Variants in ZAP70 observed in about 807,000 individuals in gnomAD.
ZAP70 encodes the protein zeta chain of T cell receptor associated protein kinase 70.
In ZAP70, 27 loss-of-function variants were observed where a neutral mutation model predicts 65.8. The observed-to-expected ratio is 0.41, with a 90% CI of 0.30 to 0.57. ZAP70 has a LOEUF of 0.57. Ranked by LOEUF, ZAP70 falls within the 20% of genes least tolerant of loss-of-function variation. ZAP70 has a pLI of 0.28. For synonymous variants in ZAP70, 363 were observed against 360.8 expected (o/e 1.01, Z -0.07); for missense variants, 696 against 870.5 (o/e 0.80, Z 2.52).
At position 97,735,421 on chromosome 2, in the gene ZAP70, G is replaced by C. The variant is rs1311128904; in HGVS notation, c.1254G>C (p.Gly418=). Reference sequence around the variant, plus strand: ...TCATGCTGGTCATGGAGATGGCTGGGGGCGGGCCGCTGCACAAGTTCCTGG... The same window carrying C: ...TCATGCTGGTCATGGAGATGGCTGGCGGCGGGCCGCTGCACAAGTTCCTGG... ...EALMLVMEMA[G]GGPLHKFLVG... Residue 418 remains glycine (G), a synonymous_variant, in exon 10 of 14, where the codon GGG becomes GGC. Coordinates refer to ENST00000264972, the MANE Select transcript of ZAP70 (RefSeq NM_001079.4). 1.2e-6 allele frequency: 2 copies of C among 1,613,580 alleles called. No homozygotes were observed. Among genetic ancestry groups the C allele is most frequent in the Middle Eastern group, 1.7e-4 (1 of 6,060 alleles).
intron 13 of ZAP70, 63 bp from the exon 14 acceptor site, chr2:97,739,312 C>T: frequency 6.2e-7 from 1 of 1,605,026 alleles, no homozygotes; most frequent in Non-Finnish European, 8.5e-7. Flanking sequence ...GCATGCCCAC[C>T]CACTGGTGAA....
At chr2:97,745,697 A>C in the ZAP70 span, among the ~76,000 whole-genome samples, 1 of 152,136 alleles carries the variant, frequency 6.6e-6, no homozygotes, top group Non-Finnish European at 1.5e-5. Flanking sequence ...TGGAACCCTC[A>C]CACACTGTGG....
At chr2:97,738,484 G>A in intron 13 of ZAP70, 1 of 322,420 alleles carries the variant, frequency 3.1e-6, no homozygotes. Context: ...CCACCAGCCA[G>A]CACACAGCAC....
Position 97,736,321 on chromosome 2 carries a change from C to T in ZAP70, c.1289+865C>T, listed in dbSNP as rs1332851738. ...TTCCTCATCCCCAAACTCTTACCCT[C>T]ACAGACACAAGTTCTGCACTCCCCA... On this transcript the variant is annotated intron_variant, in intron 10 of 13. Transcript: ENST00000264972. The surrounding 1 kb of genome is among the most constrained non-coding windows in gnomAD (Gnocchi z 4.0). 1.3e-5 allele frequency among the ~76,000 whole-genome samples: 2 copies of T among 152,194 alleles called. No individual in the cohort carries two copies. Among genetic ancestry groups the T allele is most frequent in the Non-Finnish European group, 2.9e-5 (2 of 68,030 alleles).
downstream of ZAP70, among the ~76,000 whole-genome samples, chr2:97,744,811 A>G (rs1488112398): frequency 6.6e-6 from 1 of 152,152 alleles, no homozygotes; most frequent in Non-Finnish European, 1.5e-5. Context: ...AAAAAGTCAG[A>G]CCTCTATCTC....
chr2:97,728,903 C>T (rs1261955572), intron 4 of ZAP70, among the ~76,000 whole-genome samples: 7 of 152,222 alleles, frequency 4.6e-5, no homozygotes, highest in Admixed American at 1.3e-4. Context: ...TAGGCGTGCA[C>T]CACCACGCTT....
At position 97,713,815 on chromosome 2, in the gene ZAP70, TGTGTGCGG is replaced by T. The variant is rs72318626; in HGVS notation, c.-100-100_-100-93del. On this transcript the variant is annotated intron_variant, in intron 1 of 13. Coordinates refer to ENST00000264972, the MANE Select transcript of ZAP70 (RefSeq NM_001079.4). Reference sequence around the variant, plus strand: ...CGGGGTGTGACATCCTCCCCCGGGGTGTGTGCGGAGAGTGTGAGCGGCAGGGCCTCCCT... The same window carrying T: ...CGGGGTGTGACATCCTCCCCCGGGGTAGAGTGTGAGCGGCAGGGCCTCCCT... 0.027 allele frequency: 4,119 copies of T among 152,106 alleles called. 93 individuals carry two copies. Among genetic ancestry groups the T allele is most frequent in the South Asian group, 0.11 (531 of 4,808 alleles). The allele number at this position is 152,106 out of a possible 1,614,324, so 9.4% of individuals were successfully genotyped here.
rs150631046 is a variant in ZAP70 at position 97,737,761 on chromosome 2, G to A, written c.1487G>A (p.Arg496His). ...LGADDSYYTA[R>H]SAGKWPLKWY... ...GCAGCATCTCCCCCTCCCCAGGCCCGCTCAGCAGGGAAGTGGCCGCTCAAG... is the reference window on the plus strand; with the variant it reads ...GCAGCATCTCCCCCTCCCCAGGCCCACTCAGCAGGGAAGTGGCCGCTCAAG... The change falls in exon 12 of 14, where the codon CGC becomes CAC. Residue 496 changes from arginine to histidine, a missense_variant. Around this residue, in one of 3 missense-constraint regions of ZAP70, gnomAD observed 67 missense variants for 151.9 expected, o/e 0.44. Transcript: ENST00000264972. The surrounding 1 kb of genome is among the most constrained non-coding windows in gnomAD (Gnocchi z 5.0). The A allele has an allele frequency of 6.2e-6, 10 of 1,613,976 alleles. No homozygotes were observed. Among genetic ancestry groups the A allele is most frequent in the African/African-American group, 2.7e-5 (2 of 74,914 alleles).
the ZAP70 span, among the ~76,000 whole-genome samples, chr2:97,755,957 T>TGCCCA: frequency 1.3e-5 from 2 of 152,238 alleles, no homozygotes; most frequent in Admixed American, 6.5e-5. Context: ...GAGCCAGCAC[T>TGCCCA]GCCCAGCCAG....
At chr2:97,724,468 G>GGAGGGGCGTGGCCGAA in intron 3 of ZAP70, 30 bp downstream of exon 3, 1 of 1,518,416 alleles carries the variant, frequency 6.6e-7, no homozygotes, top group Non-Finnish European at 8.8e-7. Flanking sequence ...CGCGGGGTCT[G>GGAGGGGCGTGGCCGAA]GAGGGGCGTG....
At chr2:97,755,874 G>A in the ZAP70 span, among the ~76,000 whole-genome samples, 10 of 152,232 alleles carry the variant, frequency 6.6e-5, no homozygotes, top group Non-Finnish European at 1.5e-4. Context: ...CCTGAGAATG[G>A]TGACTGTGAC....
At chr2:97,744,264 A>G (rs1347119613), downstream of ZAP70, among the ~76,000 whole-genome samples, 1 of 152,118 alleles carries the variant, frequency 6.6e-6, no homozygotes, top group Non-Finnish European at 1.5e-5. Flanking sequence ...TTCCTCAGAG[A>G]GCTGGGAGAA....
At chr2:97,747,182 A>G in the ZAP70 span, among the ~76,000 whole-genome samples, 1 of 152,212 alleles carries the variant, frequency 6.6e-6, no homozygotes, top group African/African-American at 2.4e-5. Context: ...TAGATTAACC[A>G]TCTGACCCAG....
At chr2:97,726,265 T>G (rs566975486) in intron 4 of ZAP70, among the ~76,000 whole-genome samples, 34 of 152,240 alleles carry the variant, frequency 2.2e-4, no homozygotes, top group Non-Finnish European at 5.0e-4. Context: ...AAAACTCTGC[T>G]GAGTGTTTGA....
chr2:97,737,342 C>A lies in ZAP70; in HGVS notation c.1290-131C>A. On this transcript the variant is annotated intron_variant, in intron 10 of 13. Transcript: ENST00000264972. This position sits in a 1 kb window ranked among gnomAD's most constrained non-coding sequence, Gnocchi z 5.0. ...CCCCAGCCCCACGCCTGGCACACAG[C>A]AGGTGCTCAATAAGCGTTTTTGAAC... The A allele has an allele frequency of 2.2e-6, 2 of 904,346 alleles. No individual in the cohort carries two copies. The highest frequency in any genetic ancestry group is 1.8e-6 in the Non-Finnish European group (1 of 564,236). 56.0% of individuals were successfully genotyped at this position (904,346 alleles called of 1,614,324 possible). A position where few individuals can be genotyped will look rare whatever the true frequency, so the allele number is the denominator to read the frequency against.
At chr2:97,751,117 A>C in the ZAP70 span, among the ~76,000 whole-genome samples, 184 of 152,326 alleles carry the variant, frequency 1.2e-3, 1 homozygote, top group Admixed American at 0.011. Context: ...AACATATCTA[A>C]CCACTCTGAA....
In ZAP70 at chr2:97,715,099, G is replaced by A. The variant is rs1676854546; in HGVS notation, c.-22+1105G>A. Reference sequence around the variant, plus strand: ...TCATTATCCTCACTAGCTCTGGGTGGCCTCGGGCTCTGGACTCCACAGTTC... The same window carrying A: ...TCATTATCCTCACTAGCTCTGGGTGACCTCGGGCTCTGGACTCCACAGTTC... On this transcript the variant is annotated intron_variant, in intron 2 of 13. Coordinates refer to ENST00000264972, the MANE Select transcript of ZAP70 (RefSeq NM_001079.4). The surrounding 1 kb of genome is among the most constrained non-coding windows in gnomAD (Gnocchi z 4.1). Among the ~76,000 whole-genome samples, 1 of 152,042 alleles carries A rather than the reference G, an allele frequency of 6.6e-6. No homozygotes were observed. The highest frequency in any genetic ancestry group is 1.5e-5 in the Non-Finnish European group (1 of 68,006).
chr2:97,751,452 TATA>T, the ZAP70 span, among the ~76,000 whole-genome samples: 1 of 152,212 alleles, frequency 6.6e-6, no homozygotes, highest in African/African-American at 2.4e-5. Flanking sequence ...TGGTTGATCG[TATA>T]ATGCTAATGG....
chr2:97,724,804 G>T, intron 3 of ZAP70: 2 of 1,509,470 alleles, frequency 1.3e-6, no homozygotes, highest in Non-Finnish European at 1.8e-6. Flanking sequence ...AAGATGGGCA[G>T]TAGTCGTCCA....
Sources: allele counts gnomAD v4.1 joint callset (sites outside exome capture counted in the v4.1 genomes callset), GRCh38; gene constraint gnomAD v4.1.1; regional missense constraint gnomAD v4.1.1; non-coding constraint Gnocchi (gnomAD v3.1); transcripts MANE v1.5; gene names NCBI Gene and HGNC (gene_info 2026-07-23, HGNC 2026-07-21).